SERPINA9: variants seen among roughly 807,000 people sequenced by gnomAD.
SERPINA9 encodes serpin A9.
SERPINA9 carries 32 observed loss-of-function variants against 24.5 expected under a neutral mutation model. The ratio of observed to expected loss-of-function variants is 1.30; its 90% CI spans 0.98 to 1.75. The LOEUF (loss-of-function observed/expected upper bound fraction) is 1.75. Ranked by LOEUF, SERPINA9 falls within the 40% of genes most tolerant of loss-of-function variation. The pLI is 0.00. For missense variants in SERPINA9, 594 were observed against 497.1 expected, an observed-to-expected ratio of 1.19 and a Z score of -1.85; for synonymous variants, 233 against 197.7, an observed-to-expected ratio of 1.18 and a Z score of -1.50.
rs1899264683 is a variant in SERPINA9 at position 94,470,616 on chromosome 14, C to A, written c.-17-759G>T. On this transcript the variant is annotated intron_variant, in intron 1 of 4. Transcript: ENST00000674397. ...GTGGTGGACAAGTAACCTCTCTGGA[C>A]TTCTCTGTTTTGCCTTTGTAAAACA... is the stretch of plus-strand genomic sequence containing the variant. Among the ~76,000 whole-genome samples the A allele has an allele frequency of 3.3e-5, 5 of 152,234 alleles. No individual in the cohort carries two copies. The South Asian group carries it at 1.0e-3, about 32-fold the overall frequency.
chr14:94,469,351 C>T lies in SERPINA9; in HGVS notation c.490G>A (p.Asp164Asn). 2 of 1,614,200 alleles carry T rather than the reference C, an allele frequency of 1.2e-6. No individual in the cohort carries two copies. The highest frequency in any genetic ancestry group is 4.5e-5 in the East Asian group (2 of 44,890). The change falls in exon 2 of 5, where the codon GAT (aspartate) becomes AAT (asparagine). Residue 164 changes from aspartate to asparagine, a missense_variant. Physicochemically the swap from Asp to Asn is conservative, Grantham distance 23 (BLOSUM62 1). Transcript: ENST00000674397. ...RLYEAEVFST[D>N]FSNPSIAQAR... ...TGGGCAATGGAGGGGTTGGAGAAAT[C>T]TGTAGAAAAGACTTCTGCTTCATAC...
At chr14:94,467,407 C>A in intron 2 of SERPINA9, 25 bp from the exon 3 acceptor site, 1 of 1,571,528 alleles carries the variant, frequency 6.4e-7, no homozygotes, top group South Asian at 1.2e-5. Flanking sequence ...GAAAAGAAGT[C>A]TTTATGTCAA....
At chr14:94,475,114 C>G (rs1899522070) in intron 1 of SERPINA9, among the ~76,000 whole-genome samples, 1 of 152,096 alleles carries the variant, frequency 6.6e-6, no homozygotes, top group African/African-American at 2.4e-5. Flanking sequence ...ATCTACTGTG[C>G]TTCACCCCCA....
rs770527628 is a variant in SERPINA9, at chr14:94,469,337, G to A, written c.504C>T (p.Pro168=). 2.5e-5 allele frequency: 41 copies of A among 1,614,098 alleles called. No homozygotes were observed. Among genetic ancestry groups the A allele is most frequent in the Non-Finnish European group, 3.1e-5 (37 of 1,180,042 alleles). ...AEVFSTDFSN[P]SIAQARINSH... is the part of the protein sequence containing the mutation. ...TGTTGATCCTCGCCTGGGCAATGGAGGGGTTGGAGAAATCTGTAGAAAAGA... is the reference window on the plus strand; with the variant it reads ...TGTTGATCCTCGCCTGGGCAATGGAAGGGTTGGAGAAATCTGTAGAAAAGA... Residue 168 remains proline (P), a synonymous_variant, in exon 2 of 5, where the codon CCC becomes CCT. Coordinates refer to ENST00000674397, the MANE Select transcript of SERPINA9 (RefSeq NM_175739.4).
chr14:94,472,223 G>A (rs1003086581), intron 1 of SERPINA9, among the ~76,000 whole-genome samples: 3 of 152,048 alleles, frequency 2.0e-5, no homozygotes, highest in African/African-American at 7.2e-5. Context: ...ACAGCCCAGG[G>A]TCCACCTCCC....
intron 1 of SERPINA9, among the ~76,000 whole-genome samples, chr14:94,475,270 A>C (rs2139826944): frequency 6.6e-6 from 1 of 152,206 alleles, no homozygotes. Context: ...ACCAGCCTTT[A>C]TCCACCCGGC....
intron 1 of SERPINA9, 25 bp from the exon 2 acceptor site, chr14:94,469,882 AG>A (rs1294198998): frequency 6.0e-6 from 9 of 1,500,120 alleles, no homozygotes; most frequent in African/African-American, 4.2e-5. Context: ...AGAACCATTG[AG>A]GGGGTAAACT....
chr14:94,475,937 A>C (rs1186132005), intron 1 of SERPINA9, 199 bp downstream of exon 1: 45 of 669,980 alleles, frequency 6.7e-5, no homozygotes, highest in Middle Eastern at 8.4e-4. Flanking sequence ...CAACTCACTC[A>C]CTGGTCCACT....
In SERPINA9 at chr14:94,467,240, A is replaced by G. The variant is rs778784447; in HGVS notation, c.771T>C (p.Phe257=). The G allele has an allele frequency of 2.5e-6, 4 of 1,614,112 alleles. No homozygotes were observed. In the Admixed American group the frequency reaches 5.0e-5, roughly 20 times the overall value. ...AFGVDTELNC[F]VLQMDYKGDA... is the part of the protein sequence containing the mutation. ...CTCCCTTGTAATCCATCTGCAGCAC[A>G]AAGCAGTTCAGCTCTGTATCCACCC... Residue 257 remains phenylalanine, a synonymous_variant, in exon 3 of 5, where the codon TTT becomes TTC. Coordinates refer to ENST00000674397, the MANE Select transcript of SERPINA9 (RefSeq NM_175739.4).
chr14:94,468,006 G>T (rs1899100473), intron 2 of SERPINA9, among the ~76,000 whole-genome samples: 1 of 150,930 alleles, frequency 6.6e-6, no homozygotes, highest in South Asian at 2.1e-4. Flanking sequence ...GGTAGATGAA[G>T]GGTGGAGGGA....
intron 1 of SERPINA9, among the ~76,000 whole-genome samples, chr14:94,471,697 T>C (rs2139816837): frequency 6.6e-6 from 1 of 152,272 alleles, no homozygotes; most frequent in East Asian, 1.9e-4. Context: ...CAACCTGTTC[T>C]GAACTGACCT....
intron 1 of SERPINA9, among the ~76,000 whole-genome samples, chr14:94,475,542 G>A (rs191591432): frequency 1.3e-5 from 2 of 152,032 alleles, no homozygotes; most frequent in South Asian, 2.1e-4. Flanking sequence ...CCCTCAAAGG[G>A]CATCCTCTCT....
intron 1 of SERPINA9, among the ~76,000 whole-genome samples, chr14:94,474,704 C>A (rs1172534014): frequency 6.6e-6 from 1 of 152,096 alleles, no homozygotes; most frequent in East Asian, 1.9e-4. Context: ...GAGCGTTCGG[C>A]CAGGGGGCAC....
chr14:94,470,229 C>G (rs747678064), intron 1 of SERPINA9: 1 of 1,006,156 alleles, frequency 9.9e-7, no homozygotes, highest in South Asian at 4.6e-5. Flanking sequence ...ATTGCATTAG[C>G]AGCCAGAAGT....
Position 94,469,498 on chromosome 14 carries a change from G to A in SERPINA9, c.343C>T (p.Gln115Ter). The A allele has an allele frequency of 1.2e-6, 2 of 1,614,192 alleles. No individual in the cohort carries two copies. The highest frequency in any genetic ancestry group is 1.7e-6 in the Non-Finnish European group (2 of 1,180,034). Residue 115 changes from glutamine (Q) to a stop codon, truncating the protein, a stop_gained, in exon 2 of 5, where the codon CAG becomes TAG. Transcript: ENST00000674397. LOFTEE classifies it high-confidence loss of function. ...ACAGTCAGTGAGTGAACCAGGTGCT[G>A]GAAGCCCTGGTGGATGGCAGACTCT... is the stretch of plus-strand genomic sequence containing the variant. ...TPESAIHQGF[Q>*]HLVHSLTVPS... is the part of the protein sequence containing the mutation.
chr14:94,467,964 G>A (rs778935046), intron 2 of SERPINA9, among the ~76,000 whole-genome samples: 2 of 151,706 alleles, frequency 1.3e-5, no homozygotes, highest in Non-Finnish European at 2.9e-5. Flanking sequence ...TGAACTGATG[G>A]ATGGATAAAT....
chr14:94,474,655 G>A (rs1170759663), intron 1 of SERPINA9, among the ~76,000 whole-genome samples: 1 of 152,118 alleles, frequency 6.6e-6, no homozygotes, highest in Non-Finnish European at 1.5e-5. Context: ...GCCCTGCCAA[G>A]GCCCTTGCCC....
intron 1 of SERPINA9, among the ~76,000 whole-genome samples, chr14:94,475,477 T>C: frequency 6.6e-6 from 1 of 151,452 alleles, no homozygotes. Flanking sequence ...GCAGACAACC[T>C]TGCCTCCTAT....
intron 2 of SERPINA9, among the ~76,000 whole-genome samples, chr14:94,468,643 AG>A (rs1401313689): frequency 6.6e-6 from 1 of 152,214 alleles, no homozygotes; most frequent in Admixed American, 6.5e-5. Flanking sequence ...TTGACTTTAA[AG>A]CTGATGTGCA....
Sources: allele counts gnomAD v4.1 joint callset (sites outside exome capture counted in the v4.1 genomes callset), GRCh38; gene constraint gnomAD v4.1.1; transcripts MANE v1.5; gene names NCBI Gene and HGNC (gene_info 2026-07-23, HGNC 2026-07-21).